MSI2: variants seen among roughly 807,000 people sequenced by gnomAD.
MSI2 encodes musashi RNA binding protein 2.
MSI2 carries 17 observed loss-of-function variants against 45.6 expected under a neutral mutation model. The ratio of observed to expected loss-of-function variants is 0.37; its 90% CI spans 0.26 to 0.56. The LOEUF is 0.56. Ranked by LOEUF, MSI2 falls within the 20% of genes least tolerant of loss-of-function variation. MSI2 has a pLI of 0.77. For synonymous variants in MSI2, 156 were observed against 158.2 expected (o/e 0.99, Z 0.11); for missense variants, 293 against 444.2 (o/e 0.66, Z 3.06).
intron 5 of MSI2, chr17:57,285,754 A>G: frequency 9.2e-7 from 1 of 1,085,908 alleles, no homozygotes; most frequent in Non-Finnish European, 1.2e-6. Flanking sequence ...GTGTACATGG[A>G]ACTCTATTTT....
At position 57,682,329 on chromosome 17, in the gene MSI2, C is replaced by G. The variant is rs893282485; in HGVS notation, c.*2812C>G. 5.7e-6 allele frequency: 1 copy of G among 175,490 alleles called. No homozygotes were observed. The highest frequency in any genetic ancestry group is 2.5e-5 in the African/African-American group (1 of 40,754). 10.9% of individuals were successfully genotyped at this position (175,490 alleles called of 1,614,324 possible). A position where few individuals can be genotyped will look rare whatever the true frequency, so the allele number is the denominator to read the frequency against. On this transcript the variant is annotated 3_prime_UTR_variant, in exon 14 of 14. Transcript: ENST00000284073. ...GGCGTTTTGTAGATCCCCCCCCCCCCACCCACTGTGAAGGGGTGCCATACT... is the reference window on the plus strand; with the variant it reads ...GGCGTTTTGTAGATCCCCCCCCCCCGACCCACTGTGAAGGGGTGCCATACT...
At chr17:57,289,205 C>T (rs1460866506) in intron 5 of MSI2, among the ~76,000 whole-genome samples, 2 of 152,318 alleles carry the variant, frequency 1.3e-5, no homozygotes, top group South Asian at 2.1e-4. Flanking sequence ...TCCACGGCTC[C>T]TGCTGGTCTT....
intron 5 of MSI2, among the ~76,000 whole-genome samples, chr17:57,366,494 C>T (rs967995984): frequency 1.3e-5 from 2 of 152,212 alleles, no homozygotes; most frequent in East Asian, 3.9e-4. Context: ...GAGACAACCC[C>T]TAACTTTTTA....
intron 6 of MSI2, among the ~76,000 whole-genome samples, chr17:57,499,119 TA>T (rs1396640810): frequency 1.3e-5 from 2 of 152,088 alleles, no homozygotes; most frequent in African/African-American, 2.4e-5. Flanking sequence ...CTCATGCCTG[TA>T]ATCCCAGCAC....
At chr17:57,460,128 CAAATAAAT>C (rs72396563) in intron 6 of MSI2, among the ~76,000 whole-genome samples, 14,228 of 138,798 alleles carry the variant, frequency 0.1, 757 homozygotes, top group Non-Finnish European at 0.11. Flanking sequence ...AACTCTGTCT[CAAATAAAT>C]AAATAAATAA....
chr17:57,445,776 G>A (rs369359470), intron 6 of MSI2, among the ~76,000 whole-genome samples: 2 of 152,262 alleles, frequency 1.3e-5, no homozygotes, highest in East Asian at 1.9e-4. Flanking sequence ...CCCCGGAGGT[G>A]TCTCCCCGAA....
At chr17:57,309,328 T>C (rs1024707628) in intron 5 of MSI2, among the ~76,000 whole-genome samples, 2 of 152,188 alleles carry the variant, frequency 1.3e-5, no homozygotes, top group African/African-American at 4.8e-5. Context: ...GCTTCTCTTA[T>C]ACTTGGATCA....
intron 6 of MSI2, among the ~76,000 whole-genome samples, chr17:57,429,188 C>T (rs963005046): frequency 6.6e-6 from 1 of 152,104 alleles, no homozygotes; most frequent in Admixed American, 6.5e-5. Flanking sequence ...GGCACCTGGG[C>T]TATGCCGACT....
chr17:57,641,327 G>A (rs1910244869), intron 10 of MSI2, among the ~76,000 whole-genome samples: 1 of 152,172 alleles, frequency 6.6e-6, no homozygotes, highest in African/African-American at 2.4e-5. Flanking sequence ...TGCTGTCCTG[G>A]TTGGCAGAGG....
intron 6 of MSI2, among the ~76,000 whole-genome samples, chr17:57,439,501 A>G (rs1351593076): frequency 6.6e-6 from 1 of 151,776 alleles, no homozygotes; most frequent in Non-Finnish European, 1.5e-5. Flanking sequence ...ACTTTCATTC[A>G]TTAGATGGAG....
rs1913594097 is a variant in MSI2, at chr17:57,681,539, AG to A, written c.*2023del. The A allele has an allele frequency of 5.5e-6, 1 of 182,610 alleles. No individual in the cohort carries two copies. The highest frequency in any genetic ancestry group is 2.0e-4 in the South Asian group (1 of 5,080). 11.3% of individuals were successfully genotyped at this position (182,610 alleles called of 1,614,324 possible). A position where few individuals can be genotyped will look rare whatever the true frequency, so the allele number is the denominator to read the frequency against. ...ACATTCACAGACATGGTAGGGCAAA[AG>A]CATCTTCAAACTAAAGACTCCAAAA... On this transcript the variant is annotated 3_prime_UTR_variant, in exon 14 of 14. Coordinates refer to ENST00000284073, the MANE Select transcript of MSI2 (RefSeq NM_138962.4).
rs1469142439 is a variant in MSI2 at position 57,680,980 on chromosome 17, A to G, written c.*1463A>G. 2 of 190,940 alleles carry G rather than the reference A, an allele frequency of 1.0e-5. No individual in the cohort carries two copies. The highest frequency in any genetic ancestry group is 4.7e-5 in the African/African-American group (2 of 42,936). The allele number at this position is 190,940 out of a possible 1,614,324, so 11.8% of individuals were successfully genotyped here. ...TCCATTCACTTTCTATTTACAAATT[A>G]GGAAAGCAACCTTTTGGTTTATATA... On this transcript the variant is annotated 3_prime_UTR_variant, in exon 14 of 14. Transcript: ENST00000284073.
chr17:57,431,820 A>C (rs892512139), intron 6 of MSI2, among the ~76,000 whole-genome samples: 3 of 152,170 alleles, frequency 2.0e-5, no homozygotes, highest in African/African-American at 7.2e-5. Flanking sequence ...GAGGGACCCC[A>C]CTTCACTCTC....
chr17:57,288,394 C>T (rs940833867), intron 5 of MSI2, among the ~76,000 whole-genome samples: 2 of 152,160 alleles, frequency 1.3e-5, no homozygotes, highest in South Asian at 4.2e-4. Flanking sequence ...TGCTGTTTAG[C>T]CTTCCAGGCC....
chr17:57,288,883 T>A (rs1411443967), intron 5 of MSI2, among the ~76,000 whole-genome samples: 1 of 152,110 alleles, frequency 6.6e-6, no homozygotes, highest in African/African-American at 2.4e-5. Context: ...GTAGGATGTT[T>A]AGCGGCATCC....
At chr17:57,626,300 G>C (rs1908799840) in intron 9 of MSI2, 1 of 152,230 alleles carries the variant, frequency 6.6e-6, no homozygotes, top group African/African-American at 2.4e-5. Flanking sequence ...GAGTGAGCCT[G>C]ACCCATACGG....
At chr17:57,546,193 A>G (rs2087163154) in intron 7 of MSI2, among the ~76,000 whole-genome samples, 1 of 152,236 alleles carries the variant, frequency 6.6e-6, no homozygotes, top group East Asian at 1.9e-4. Context: ...AGACAACCAG[A>G]CAAGGTTCGG....
intron 7 of MSI2, among the ~76,000 whole-genome samples, chr17:57,586,376 T>A (rs2088348525): frequency 6.6e-6 from 1 of 152,198 alleles, no homozygotes; most frequent in South Asian, 2.1e-4. Flanking sequence ...TTTTCCCTTC[T>A]AACCTCCCTT....
chr17:57,432,320 G>A (rs9893648), intron 6 of MSI2, among the ~76,000 whole-genome samples: 67,115 of 151,970 alleles, frequency 0.44, 15,788 homozygotes, highest in East Asian at 0.62. Flanking sequence ...CCCTCTTTCC[G>A]TGCCTTGTCC....
Sources: allele counts gnomAD v4.1 joint callset (sites outside exome capture counted in the v4.1 genomes callset), GRCh38; gene constraint gnomAD v4.1.1; transcripts MANE v1.5; gene names NCBI Gene and HGNC (gene_info 2026-07-23, HGNC 2026-07-21).